BRSK2: variants seen among roughly 807,000 people sequenced by gnomAD.
BRSK2 encodes BR serine/threonine kinase 2, also known as serine/threonine-protein kinase BRSK2.
A neutral mutation model predicts 83.3 loss-of-function variants in BRSK2; 19 were observed. That is an observed-to-expected ratio of 0.23 (90% CI 0.16 to 0.33). The LOEUF (loss-of-function observed/expected upper bound fraction) is 0.33. Among genes scored for constraint, BRSK2 ranks in the 10% least tolerant of loss-of-function variants. The pLI is 1.00. For synonymous variants in BRSK2, 519 were observed against 435.4 expected (o/e 1.19, Z -2.39); for missense variants, 798 against 1,042.3 (o/e 0.77, Z 3.23).
In BRSK2 at chr11:1,445,336, C is replaced by A; in HGVS notation, c.855C>A (p.Arg285=). The change falls in exon 10 of 20, where the codon CGC becomes CGA. Residue 285 remains arginine (R), a synonymous_variant. Coordinates refer to ENST00000528841, the MANE Select transcript of BRSK2 (RefSeq NM_001256627.2). ...CCGAACCAGAGCAGCCCATTCCTCG[C>A]AAGGTGCAGATCCGCTCGCTGCCCA... ...NEPEPEQPIP[R]KVQIRSLPSL... is the part of the protein sequence containing the mutation. 1.2e-6 allele frequency: 2 copies of A among 1,611,486 alleles called. No individual in the cohort carries two copies. Among genetic ancestry groups the A allele is most frequent in the Non-Finnish European group, 1.7e-6 (2 of 1,179,340 alleles).
chr11:1,399,753 C>G (rs756165341), intron 1 of BRSK2, among the ~76,000 whole-genome samples: 9 of 152,192 alleles, frequency 5.9e-5, no homozygotes, highest in Non-Finnish European at 1.3e-4. Context: ...TACAGGGAAG[C>G]AGTGAGTTCT....
Position 1,423,612 on chromosome 11 carries a change from G to A in BRSK2, c.92-12428G>A, listed in dbSNP as rs1018767776. Among the ~76,000 whole-genome samples the A allele has an allele frequency of 3.3e-5, 5 of 152,138 alleles. No individual in the cohort carries two copies. Among genetic ancestry groups the A allele is most frequent in the Non-Finnish European group, 7.4e-5 (5 of 68,012 alleles). On this transcript the variant is annotated intron_variant, in intron 1 of 19. Transcript: ENST00000528841. The surrounding 1 kb of genome is among the most constrained non-coding windows in gnomAD (Gnocchi z 6.5). ...CTCTTTCACATTCTGGAGGCGGGAAGTCCAAGGTCCAGGGTGGGCTGGCTC... is the reference window on the plus strand; with the variant it reads ...CTCTTTCACATTCTGGAGGCGGGAAATCCAAGGTCCAGGGTGGGCTGGCTC...
At chr11:1,447,261 C>T (rs1425105214) in intron 12 of BRSK2, among the ~76,000 whole-genome samples, 1 of 152,188 alleles carries the variant, frequency 6.6e-6, no homozygotes, top group Admixed American at 6.5e-5. Flanking sequence ...ACCTGTAGCC[C>T]AGGTGCCTGC....
At chr11:1,453,565 G>T (rs562182518) in intron 15 of BRSK2, among the ~76,000 whole-genome samples, 8 of 152,338 alleles carry the variant, frequency 5.3e-5, no homozygotes, top group African/African-American at 1.9e-4. Context: ...CACTGAGGAG[G>T]CGTCGAGGGG....
chr11:1,420,817 C>G (rs1848571879), intron 1 of BRSK2, among the ~76,000 whole-genome samples: 2 of 152,236 alleles, frequency 1.3e-5, no homozygotes, highest in African/African-American at 4.8e-5. Context: ...GTCCTGGGGG[C>G]TCAGCCTCCA....
At position 1,440,946 on chromosome 11, in the gene BRSK2, G is replaced by C. The variant is rs375492367; in HGVS notation, c.413+18G>C. 1.9e-6 allele frequency: 3 copies of C among 1,600,922 alleles called. No individual in the cohort carries two copies. The South Asian group carries it at 3.3e-5, about 18-fold the overall frequency. Reference sequence around the variant, plus strand: ...TCCATATGGTGAGGCCCCACCCCTGGTGCCCCCCACTCCCCAGGGACCCCC... The same window carrying C: ...TCCATATGGTGAGGCCCCACCCCTGCTGCCCCCCACTCCCCAGGGACCCCC... On this transcript the variant is annotated intron_variant, in intron 4 of 19. Coordinates refer to ENST00000528841, the MANE Select transcript of BRSK2 (RefSeq NM_001256627.2).
chr11:1,397,543 G>A (rs558445904), intron 1 of BRSK2, among the ~76,000 whole-genome samples: 44 of 152,362 alleles, frequency 2.9e-4, no homozygotes, highest in African/African-American at 9.4e-4. Flanking sequence ...CACGGAGGCC[G>A]TGGCTGCCCT....
chr11:1,412,644 AG>A (rs1323922494), intron 1 of BRSK2, among the ~76,000 whole-genome samples: 4 of 152,090 alleles, frequency 2.6e-5, no homozygotes, highest in Non-Finnish European at 5.9e-5. Flanking sequence ...CAGTGGTGGG[AG>A]GGGCCCAGCA....
Position 1,460,839 on chromosome 11 carries a change from G to A in BRSK2, c.*116G>A, listed in dbSNP as rs1847410477. The A allele has an allele frequency of 6.5e-7, 1 of 1,539,324 alleles. No individual in the cohort carries two copies. On this transcript the variant is annotated 3_prime_UTR_variant, in exon 20 of 20. Coordinates refer to ENST00000528841, the MANE Select transcript of BRSK2 (RefSeq NM_001256627.2). ...CGCCCGTCCGTCCAGACTGTTCTCA[G>A]AGCCTGGGAGGAAAGGAAAGGGGCG...
intron 1 of BRSK2, among the ~76,000 whole-genome samples, chr11:1,395,277 GCA>G: frequency 6.6e-6 from 1 of 152,306 alleles, no homozygotes; most frequent in East Asian, 1.9e-4. Flanking sequence ...GGGGCGCCGT[GCA>G]CAGAGCCCGG....
chr11:1,404,746 C>T (rs897455910), intron 1 of BRSK2, among the ~76,000 whole-genome samples: 5 of 152,204 alleles, frequency 3.3e-5, no homozygotes, highest in African/African-American at 4.8e-5. Context: ...CTGCCCTTCC[C>T]GCAAGCCGCC....
At position 1,454,759 on chromosome 11, in the gene BRSK2, T is replaced by G. The variant is rs1287135605; in HGVS notation, c.1668+151T>G. 9.6e-7 allele frequency: 1 copy of G among 1,040,104 alleles called. No individual in the cohort carries two copies. Among genetic ancestry groups the G allele is most frequent in the Non-Finnish European group, 1.4e-6 (1 of 728,822 alleles). 64.4% of individuals were successfully genotyped at this position (1,040,104 alleles called of 1,614,324 possible). On this transcript the variant is annotated intron_variant, in intron 16 of 19. Transcript: ENST00000528841. The surrounding 1 kb of genome is among the most constrained non-coding windows in gnomAD (Gnocchi z 5.2). ...CGTGGGCCTGCCTGGCCGCCTTCAC[T>G]GGACAGGCGCTCTCTCCTGCCCACC...
intron 1 of BRSK2, among the ~76,000 whole-genome samples, chr11:1,393,497 G>A (rs1845858855): frequency 6.6e-6 from 1 of 152,196 alleles, no homozygotes; most frequent in South Asian, 2.1e-4. Flanking sequence ...CCCTGCGAGG[G>A]AACGAAGGAG....
At chr11:1,391,375 G>A (rs886179300) in intron 1 of BRSK2, among the ~76,000 whole-genome samples, 1 of 152,232 alleles carries the variant, frequency 6.6e-6, no homozygotes, top group Non-Finnish European at 1.5e-5. Context: ...GAGGAGGAGA[G>A]CGCTGGTGCA....
intron 1 of BRSK2, among the ~76,000 whole-genome samples, chr11:1,403,827 C>T (rs1003799929): frequency 6.6e-6 from 1 of 152,200 alleles, no homozygotes; most frequent in African/African-American, 2.4e-5. Flanking sequence ...AGAGAGTGAC[C>T]TGGAAGTGTC....
At chr11:1,437,400 C>A (rs1277044749) in intron 2 of BRSK2, among the ~76,000 whole-genome samples, 1 of 152,202 alleles carries the variant, frequency 6.6e-6, no homozygotes, top group African/African-American at 2.4e-5. Flanking sequence ...ACTGGCCCCA[C>A]CACTGACACG....
At chr11:1,448,720 C>G (rs1176836085) in intron 12 of BRSK2, among the ~76,000 whole-genome samples, 1 of 152,228 alleles carries the variant, frequency 6.6e-6, no homozygotes, top group Non-Finnish European at 1.5e-5. Flanking sequence ...TGGGTGTCAT[C>G]CTGGCCCAGA....
At chr11:1,413,935 G>A (rs1847827748) in intron 1 of BRSK2, among the ~76,000 whole-genome samples, 1 of 152,212 alleles carries the variant, frequency 6.6e-6, no homozygotes, top group South Asian at 2.1e-4. Flanking sequence ...CGAGGAAAAT[G>A]GGCTGCCTCC....
chr11:1,456,054 T>C (rs1335814866), intron 16 of BRSK2, among the ~76,000 whole-genome samples: 1 of 152,146 alleles, frequency 6.6e-6, no homozygotes, highest in Non-Finnish European at 1.5e-5. Context: ...ATCTTTGCCC[T>C]TAAGGCTCCT....
Sources: gnomAD v4.1 joint callset for allele counts (sites outside exome capture counted in the v4.1 genomes callset) on GRCh38, gnomAD v4.1.1 for gene constraint, Gnocchi (gnomAD v3.1) non-coding constraint, MANE v1.5 for transcripts, NCBI Gene and HGNC (gene_info 2026-07-23, HGNC 2026-07-21) for gene names.